MAGI3: variants seen among roughly 807,000 people sequenced by gnomAD.
The protein encoded by MAGI3 is membrane-associated guanylate kinase, WW and PDZ domain-containing protein 3.
Under a neutral mutation model 121.8 loss-of-function variants are expected in MAGI3, and 43 were observed. The observed-to-expected ratio is 0.35, with a 90% CI of 0.28 to 0.46. MAGI3 has a LOEUF of 0.46. Among genes scored for constraint, MAGI3 ranks in the 20% least tolerant of loss-of-function variants. MAGI3 has a pLI of 1.00. For synonymous variants in MAGI3, 553 were observed against 639.3 expected (o/e 0.86, Z 2.04); for missense variants, 1,547 against 1,797.3 (o/e 0.86, Z 2.52).
At chr1:113,459,957 G>A (rs1446212713) in intron 1 of MAGI3, among the ~76,000 whole-genome samples, 1 of 152,160 alleles carries the variant, frequency 6.6e-6, no homozygotes, top group African/African-American at 2.4e-5. Context: ...ACCTGGCAGA[G>A]ACACAACAGA....
intron 1 of MAGI3, among the ~76,000 whole-genome samples, chr1:113,532,820 G>A (rs1339054873): frequency 6.6e-6 from 1 of 152,124 alleles, no homozygotes; most frequent in African/African-American, 2.4e-5. Context: ...TCAAAAACAA[G>A]GTAATAGAAT....
At chr1:113,670,148 T>C (rs1197723171) in intron 16 of MAGI3, among the ~76,000 whole-genome samples, 2 of 152,104 alleles carry the variant, frequency 1.3e-5, no homozygotes, top group East Asian at 3.9e-4. Flanking sequence ...CTAGTACACA[T>C]TGTTAAATCC....
At chr1:113,592,884 C>T (rs1036970333) in intron 5 of MAGI3, among the ~76,000 whole-genome samples, 4 of 151,958 alleles carry the variant, frequency 2.6e-5, no homozygotes, top group Admixed American at 6.6e-5. Context: ...CGGTGGCGGG[C>T]GCCTGTAGTC....
Position 113,538,079 on chromosome 1 carries a change from A to G in MAGI3, c.317-11436A>G, listed in dbSNP as rs372428308. On this transcript the variant is annotated intron_variant, in intron 1 of 20. Transcript: ENST00000307546. ...CTATCAGAGAAAAGAAAACTATTAA[A>G]TTGTTCCTTTCATATTGGTTAATTA... is the stretch of plus-strand genomic sequence containing the variant. Among the ~76,000 whole-genome samples, 18 of 152,306 alleles carry G rather than the reference A, an allele frequency of 1.2e-4. No homozygotes were observed. In the East Asian group the frequency reaches 3.1e-3, roughly 26 times the overall value.
At chr1:113,675,478 C>G (rs139884422) in intron 19 of MAGI3, among the ~76,000 whole-genome samples, 1 of 152,216 alleles carries the variant, frequency 6.6e-6, no homozygotes, top group African/African-American at 2.4e-5. Flanking sequence ...AAGTTGGAGT[C>G]ATGTTGAGGT....
chr1:113,672,031 C>A (rs993431383), intron 17 of MAGI3, among the ~76,000 whole-genome samples, 195 bp downstream of exon 17: 2 of 152,236 alleles, frequency 1.3e-5, no homozygotes, highest in African/African-American at 4.8e-5. Flanking sequence ...ACCTTCGTCC[C>A]TCTTCCAGCC....
chr1:113,600,916 C>G (rs1649331947), intron 6 of MAGI3, among the ~76,000 whole-genome samples: 1 of 152,128 alleles, frequency 6.6e-6, no homozygotes, highest in South Asian at 2.1e-4. Context: ...AATAGCGCCG[C>G]CTATCTACAA....
At chr1:113,628,130 T>C (rs72689967) in intron 9 of MAGI3, among the ~76,000 whole-genome samples, 10,111 of 152,150 alleles carry the variant, frequency 0.066, 469 homozygotes, top group Middle Eastern at 0.16. Context: ...GTGAAGGTGA[T>C]TTTATCTGTG....
intron 1 of MAGI3, among the ~76,000 whole-genome samples, chr1:113,411,742 G>A (rs544982144): frequency 6.7e-6 from 1 of 149,812 alleles, no homozygotes; most frequent in African/African-American, 2.4e-5. Flanking sequence ...CTATAAAAGT[G>A]AACTTGGAGA....
Position 113,617,286 on chromosome 1 carries a change from T to A in MAGI3, c.1077-2450T>A, listed in dbSNP as rs2101780468. Among the ~76,000 whole-genome samples the A allele has an allele frequency of 1.3e-5, 2 of 152,354 alleles. 1 individual carries two copies. Among genetic ancestry groups the A allele is most frequent in the South Asian group, 4.1e-4 (2 of 4,834 alleles). ...AATACAGAAAATGTGTCAAATTGTG[T>A]ACTAATATTTAATCATTCTTGTTTG... On this transcript the variant is annotated intron_variant, in intron 7 of 20. Coordinates refer to ENST00000307546, the MANE Select transcript of MAGI3 (RefSeq NM_001142782.2).
chr1:113,631,327 T>C (rs1651618959), intron 9 of MAGI3, among the ~76,000 whole-genome samples: 1 of 152,144 alleles, frequency 6.6e-6, no homozygotes, highest in South Asian at 2.1e-4. Flanking sequence ...TTTTAGTGTG[T>C]AGTTAGTTGT....
At chr1:113,673,560 C>T in intron 19 of MAGI3, 95 bp downstream of exon 19, 3 of 1,334,150 alleles carry the variant, frequency 2.2e-6, no homozygotes, top group Non-Finnish European at 3.1e-6. Context: ...GCAGGAACCT[C>T]CTAAATCTAA....
At chr1:113,542,965 A>G (rs1659359545) in intron 1 of MAGI3, among the ~76,000 whole-genome samples, 1 of 152,188 alleles carries the variant, frequency 6.6e-6, no homozygotes, top group Non-Finnish European at 1.5e-5. Flanking sequence ...TACCTATAAA[A>G]TGGGAATAAT....
chr1:113,419,256 T>C (rs951079956), intron 1 of MAGI3, among the ~76,000 whole-genome samples: 2 of 152,178 alleles, frequency 1.3e-5, no homozygotes, highest in African/African-American at 4.8e-5. Context: ...AAAGTCTCAA[T>C]TGAGAAGTCA....
intron 1 of MAGI3, among the ~76,000 whole-genome samples, chr1:113,394,688 A>C (rs994540743): frequency 5.3e-5 from 8 of 152,184 alleles, no homozygotes; most frequent in African/African-American, 1.9e-4. Flanking sequence ...GCTTTCAGTA[A>C]GTTTCAGTAA....
rs1653333565 is a variant in MAGI3 at position 113,654,017 on chromosome 1, A to T, written c.2628A>T (p.Gly876=). 6.2e-7 allele frequency: 1 copy of T among 1,611,478 alleles called. No homozygotes were observed. The highest frequency in any genetic ancestry group is 8.5e-7 in the Non-Finnish European group (1 of 1,178,598). ...CCTCCAAAAACAAACCACCTCCAGG[A>T]GGTAAGGGCTATTGTATCTTATTGT... ...ILTSKNKPPP[G]VIPHKIGRVI... is the part of the protein sequence containing the mutation. The change falls in exon 15 of 21, where the codon GGA becomes GGT. Residue 876 remains glycine (G), a splice_region_variant and synonymous_variant. Coordinates refer to ENST00000307546, the MANE Select transcript of MAGI3 (RefSeq NM_001142782.2).
At chr1:113,589,745 C>T (rs977051747) in intron 4 of MAGI3, among the ~76,000 whole-genome samples, 1 of 151,996 alleles carries the variant, frequency 6.6e-6, no homozygotes, top group Non-Finnish European at 1.5e-5. Context: ...TACATAGCAT[C>T]GTTTAAGTTT....
At chr1:113,561,586 A>G (rs1406348207) in intron 2 of MAGI3, among the ~76,000 whole-genome samples, 1 of 152,242 alleles carries the variant, frequency 6.6e-6, no homozygotes. Flanking sequence ...AAAATTCTCA[A>G]TAAACTAGAT....
chr1:113,582,817 T>C (rs1162598625), intron 3 of MAGI3, among the ~76,000 whole-genome samples: 3 of 150,524 alleles, frequency 2.0e-5, no homozygotes, highest in Admixed American at 6.7e-5. Context: ...GAAAGCAATC[T>C]AGCAATAATA....
Sources: allele counts gnomAD v4.1 joint callset (sites outside exome capture counted in the v4.1 genomes callset), GRCh38; gene constraint gnomAD v4.1.1; transcripts MANE v1.5; gene names NCBI Gene and HGNC (gene_info 2026-07-23, HGNC 2026-07-21).